SLC9A8: variants seen among roughly 807,000 people sequenced by gnomAD.
SLC9A8 encodes solute carrier family 9 member A8, also known as sodium/hydrogen exchanger 8.
In SLC9A8, 48 loss-of-function variants were observed where a neutral mutation model predicts 66.6. That is an observed-to-expected ratio of 0.72 (90% CI 0.57 to 0.92). SLC9A8 has a LOEUF of 0.92. Ranked by LOEUF, SLC9A8 falls within the 40% of genes least tolerant of loss-of-function variation. The pLI, the probability that SLC9A8 is intolerant of heterozygous loss-of-function variation, is 0.00. For missense variants in SLC9A8, 599 were observed against 747.3 expected (o/e 0.80, Z 2.31); for synonymous variants, 274 against 282.6 (o/e 0.97, Z 0.31).
chr20:49,868,209 G>C (rs1281232204), intron 10 of SLC9A8, among the ~76,000 whole-genome samples: 1 of 152,240 alleles, frequency 6.6e-6, no homozygotes, highest in African/African-American at 2.4e-5. Flanking sequence ...ATTAAAATAA[G>C]GGAGTGTTTT....
intron 14 of SLC9A8, chr20:49,884,300 A>ACACGCGCG: frequency 1.4e-5 from 5 of 356,138 alleles, no homozygotes; most frequent in South Asian, 2.5e-5. Flanking sequence ...ACACACACAC[A>ACACGCGCG]CACACACACA....
rs973218968 is a variant in SLC9A8, at chr20:49,886,488, G to C, written c.1492-264G>C. 2 of 390,276 alleles carry C rather than the reference G, an allele frequency of 5.1e-6. No homozygotes were observed. The highest frequency in any genetic ancestry group is 4.4e-5 in the Admixed American group (1 of 22,940). 24.2% of individuals were successfully genotyped at this position (390,276 alleles called of 1,614,324 possible). On this transcript the variant is annotated intron_variant, in intron 14 of 15. Coordinates refer to ENST00000361573, the MANE Select transcript of SLC9A8 (RefSeq NM_015266.3). The surrounding 1 kb of genome is among the most constrained non-coding windows in gnomAD (Gnocchi z 4.8). ...ATAGAATCACCCAAAAGCTTGAAAA[G>C]CTTAAAGACCAAGCCCCAGCCTGGC...
intron 5 of SLC9A8, among the ~76,000 whole-genome samples, chr20:49,847,907 G>GTTTTTTT (rs3091810): frequency 2.6e-5 from 3 of 115,184 alleles, no homozygotes; most frequent in African/African-American, 3.4e-5. Context: ...TGATTAATCT[G>GTTTTTTT]TTTTTTTTTT....
intron 3 of SLC9A8, among the ~76,000 whole-genome samples, chr20:49,838,157 G>A (rs1194662039): frequency 6.6e-6 from 1 of 152,202 alleles, no homozygotes; most frequent in African/African-American, 2.4e-5. Flanking sequence ...AACTTTCCAA[G>A]ATAGTTGGTT....
rs2089898522 is a variant in SLC9A8 at position 49,886,539 on chromosome 20, AG to A, written c.1492-211del. On this transcript the variant is annotated intron_variant, in intron 14 of 15. Transcript: ENST00000361573. The surrounding 1 kb of genome is among the most constrained non-coding windows in gnomAD (Gnocchi z 4.8). ...CCAGTCCTTCTGTTTTAGCTGTCCT[AG>A]GTGGGGTCCTGGGCATCCATTGTGC... is the stretch of plus-strand genomic sequence containing the variant. 3 of 544,076 alleles carry A rather than the reference AG, an allele frequency of 5.5e-6. No individual in the cohort carries two copies. Among genetic ancestry groups the A allele is most frequent in the Non-Finnish European group, 6.5e-6 (2 of 309,116 alleles). 33.7% of individuals were successfully genotyped at this position (544,076 alleles called of 1,614,324 possible).
chr20:49,841,915 T>A (rs977249494), intron 4 of SLC9A8, among the ~76,000 whole-genome samples: 4 of 151,918 alleles, frequency 2.6e-5, no homozygotes, highest in African/African-American at 4.8e-5. Context: ...TTTAAAAAAA[T>A]TTTTTGTAGA....
chr20:49,840,151 G>A (rs535470152), intron 4 of SLC9A8, among the ~76,000 whole-genome samples: 1 of 152,172 alleles, frequency 6.6e-6, no homozygotes, highest in African/African-American at 2.4e-5. Context: ...TGGCCGAGTG[G>A]AGTCTTGTGT....
Position 49,834,695 on chromosome 20 carries a change from C to T in SLC9A8, c.290-4846C>T, listed in dbSNP as rs59981775. On this transcript the variant is annotated intron_variant, in intron 3 of 15. Transcript: ENST00000361573. ...AATAATATCACATTGTATTTTACAG[C>T]GCTTCCTAGTACATCATAAATAATA... Among the ~76,000 whole-genome samples the T allele has an allele frequency of 7.1e-3, 1,082 of 151,826 alleles. 21 individuals are homozygous for T. The highest frequency in any genetic ancestry group is 0.024 in the African/African-American group (997 of 41,406).
Position 49,887,855 on chromosome 20 carries a change from G to A in SLC9A8, c.1665G>A (p.Met555Ile). The change falls in exon 16 of 16, where the codon ATG (methionine) becomes ATA (isoleucine). Residue 555 changes from methionine (M) to isoleucine (I), a missense_variant. Around this residue, in one of 2 missense-constraint regions of SLC9A8, gnomAD observed 467 missense variants for 626.5 expected, o/e 0.75. Coordinates refer to ENST00000361573, the MANE Select transcript of SLC9A8 (RefSeq NM_015266.3). ...QEDLHHGRIQ[M>I]KTLTNKWYEE... ...ACCTGCACCACGGGCGCATCCAGAT[G>A]AAAACTCTCACCAACAAGTGGTACG... 6.2e-7 allele frequency: 1 copy of A among 1,612,450 alleles called. No individual in the cohort carries two copies. Among genetic ancestry groups the A allele is most frequent in the Non-Finnish European group, 8.5e-7 (1 of 1,179,062 alleles).
Position 49,888,125 on chromosome 20 carries a change from C to T in SLC9A8, c.*189C>T. On this transcript the variant is annotated 3_prime_UTR_variant, in exon 16 of 16. Coordinates refer to ENST00000361573, the MANE Select transcript of SLC9A8 (RefSeq NM_015266.3). ...ACAGGCCTCTGGAGCCAGGCGACTT[C>T]TTGGGAAACTGTCATCTCCCGACTC... 2 of 529,540 alleles carry T rather than the reference C, an allele frequency of 3.8e-6. No individual in the cohort carries two copies. The highest frequency in any genetic ancestry group is 4.1e-5 in the South Asian group (2 of 49,230). 32.8% of individuals were successfully genotyped at this position (529,540 alleles called of 1,614,324 possible). A position where few individuals can be genotyped will look rare whatever the true frequency, so the allele number is the denominator to read the frequency against.
At chr20:49,863,990 C>T (rs2146678164) in intron 9 of SLC9A8, 1 of 152,206 alleles carries the variant, frequency 6.6e-6, no homozygotes, top group South Asian at 2.1e-4. Flanking sequence ...AGTTGGCTGA[C>T]AGCTTCTCAT....
intron 1 of SLC9A8, among the ~76,000 whole-genome samples, chr20:49,813,156 G>A (rs554585778): frequency 6.6e-6 from 1 of 152,240 alleles, no homozygotes; most frequent in Non-Finnish European, 1.5e-5. Context: ...TCGGTCCCTC[G>A]AGCTGGGAAT....
chr20:49,878,785 C>T (rs950613624), intron 12 of SLC9A8, among the ~76,000 whole-genome samples: 2 of 152,050 alleles, frequency 1.3e-5, no homozygotes, highest in Non-Finnish European at 1.5e-5. Flanking sequence ...TTTGGGAGGC[C>T]GAGGCTGGCG....
intron 8 of SLC9A8, among the ~76,000 whole-genome samples, chr20:49,858,305 T>TA (rs1363062094): frequency 6.6e-6 from 1 of 151,564 alleles, no homozygotes; most frequent in Non-Finnish European, 1.5e-5. Context: ...ACAAGACCTT[T>TA]AAAAAATCCA....
chr20:49,839,026 A>T (rs2087656001), intron 3 of SLC9A8, among the ~76,000 whole-genome samples: 1 of 152,132 alleles, frequency 6.6e-6, no homozygotes, highest in African/African-American at 2.4e-5. Context: ...ACATGCCTGA[A>T]CTTAGATGGT....
chr20:49,843,959 C>G (rs550729082), intron 4 of SLC9A8, among the ~76,000 whole-genome samples: 22 of 152,242 alleles, frequency 1.4e-4, no homozygotes, highest in African/African-American at 2.2e-4. Flanking sequence ...CCCCGCCCCC[C>G]CTTTCTTCCT....
rs143064218 is a variant in SLC9A8 at position 49,856,820 on chromosome 20, CA to C, written c.713+1257del. 8.1e-3 allele frequency among the ~76,000 whole-genome samples: 799 copies of C among 99,134 alleles called. 3 individuals carry two copies. Among genetic ancestry groups the C allele is most frequent in the African/African-American group, 0.02 (610 of 30,364 alleles). 65.0% of individuals were successfully genotyped at this position (99,134 alleles called of 152,430 possible). On this transcript the variant is annotated intron_variant, in intron 8 of 15. Coordinates refer to ENST00000361573, the MANE Select transcript of SLC9A8 (RefSeq NM_015266.3). The stretch of plus-strand genomic sequence containing the variant: ...CTGGTGACAGAGCGAGACTCCGTCT[CA>C]AAAAAAAAAAAAAAAAATTTTAGCT...
At position 49,887,008 on chromosome 20, in the gene SLC9A8, C is replaced by T. The variant is rs368213216; in HGVS notation, c.1638+110C>T. ...AAGAGTGGGGAGGCAGGAAAGCTCA[C>T]GTGGGCCCGCCAGGCCGCCGCCTCC... is the stretch of plus-strand genomic sequence containing the variant. On this transcript the variant is annotated intron_variant, in intron 15 of 15. Transcript: ENST00000361573. The T allele has an allele frequency of 1.8e-5, 23 of 1,264,614 alleles. No homozygotes were observed. The East Asian group carries it at 3.7e-4, about 20-fold the overall frequency. The allele number at this position is 1,264,614 out of a possible 1,614,324, so 78.3% of individuals were successfully genotyped here.
At chr20:49,882,109 T>C (rs2089647156) in intron 13 of SLC9A8, among the ~76,000 whole-genome samples, 1 of 151,730 alleles carries the variant, frequency 6.6e-6, no homozygotes, top group Admixed American at 6.6e-5. Context: ...ATTTAAGCAA[T>C]CAGAGCTTCT....
Sources: allele counts gnomAD v4.1 joint callset (sites outside exome capture counted in the v4.1 genomes callset), GRCh38; gene constraint gnomAD v4.1.1; regional missense constraint gnomAD v4.1.1; non-coding constraint Gnocchi (gnomAD v3.1); transcripts MANE v1.5; gene names NCBI Gene and HGNC (gene_info 2026-07-23, HGNC 2026-07-21).